The following ANXA10 variants were observed in gnomAD, a reference collection of about 807,000 sequenced individuals.
ANXA10 encodes annexin A10.
A neutral mutation model predicts 53.5 loss-of-function variants in ANXA10; 49 were observed. The observed-to-expected ratio is 0.92, with a 90% CI of 0.73 to 1.16. ANXA10 has a LOEUF of 1.16. Ranked by LOEUF, ANXA10 falls within the 50% of genes most tolerant of loss-of-function variation. The pLI, the probability that ANXA10 is intolerant of heterozygous loss-of-function variation, is 0.00. For missense variants in ANXA10, 393 were observed against 394.4 expected (o/e 1.00, Z 0.03); for synonymous variants, 131 against 128.9 (o/e 1.02, Z -0.11).
chr4:168,185,253 A>G (rs1460839773), intron 11 of ANXA10, among the ~76,000 whole-genome samples: 1 of 152,224 alleles, frequency 6.6e-6, no homozygotes, highest in Non-Finnish European at 1.5e-5. Context: ...GCAGTCATGC[A>G]AAATATTCAT....
At position 168,139,588 on chromosome 4, in the gene ANXA10, C is replaced by T. The variant is rs186693327; in HGVS notation, c.195+8C>T. The T allele has an allele frequency of 1.2e-6, 2 of 1,603,240 alleles. No homozygotes were observed. Among genetic ancestry groups the T allele is most frequent in the Admixed American group, 3.3e-5 (2 of 59,852 alleles). The stretch of plus-strand genomic sequence containing the variant: ...CAGAGCATGTATGGCCGGGTAAGGC[C>T]ACTTTATCTTGACCTATTTCTAGGG... On this transcript the variant is annotated splice_region_variant and intron_variant, in intron 3 of 11. Transcript: ENST00000359299.
At chr4:168,164,794 T>C (rs1731845789) in intron 5 of ANXA10, among the ~76,000 whole-genome samples, 1 of 152,196 alleles carries the variant, frequency 6.6e-6, no homozygotes. Context: ...TATTGCGTTA[T>C]GTAGTATATG....
At chr4:168,119,598 A>G (rs1054969539) in intron 1 of ANXA10, among the ~76,000 whole-genome samples, 2 of 152,184 alleles carry the variant, frequency 1.3e-5, no homozygotes, top group African/African-American at 4.8e-5. Context: ...TGTTTCAAAA[A>G]GTTTAGAACC....
At position 168,177,812 on chromosome 4, in the gene ANXA10, C is replaced by A; in HGVS notation, c.534+19C>A. Reference sequence around the variant, plus strand: ...TGCAATGGTAACTAGAACCAGTTCTCAGACTGACTGCAAAGAACCTGGGTT... The same window carrying A: ...TGCAATGGTAACTAGAACCAGTTCTAAGACTGACTGCAAAGAACCTGGGTT... On this transcript the variant is annotated intron_variant, in intron 7 of 11. Coordinates refer to ENST00000359299, the MANE Select transcript of ANXA10 (RefSeq NM_007193.5). The A allele has an allele frequency of 6.2e-7, 1 of 1,614,124 alleles. No individual in the cohort carries two copies. The highest frequency in any genetic ancestry group is 8.5e-7 in the Non-Finnish European group (1 of 1,179,984).
chr4:168,117,335 G>C (rs1015107422), intron 1 of ANXA10, among the ~76,000 whole-genome samples: 1 of 152,174 alleles, frequency 6.6e-6, no homozygotes, highest in African/African-American at 2.4e-5. Context: ...ACTGGAAAAA[G>C]TGTGTGTTCT....
intron 1 of ANXA10, among the ~76,000 whole-genome samples, chr4:168,104,472 T>G (rs1158168581): frequency 6.6e-6 from 1 of 152,004 alleles, no homozygotes; most frequent in Non-Finnish European, 1.5e-5. Context: ...TTGATATTAT[T>G]TCTTCCTTAA....
At chr4:168,182,579 C>T (rs1194340174) in intron 10 of ANXA10, among the ~76,000 whole-genome samples, 2 of 149,298 alleles carry the variant, frequency 1.3e-5, no homozygotes, top group Admixed American at 6.6e-5. Flanking sequence ...GTGATCCGCC[C>T]GCCTCGGCCT....
chr4:168,148,663 A>G (rs993896679), intron 3 of ANXA10, among the ~76,000 whole-genome samples: 1 of 152,136 alleles, frequency 6.6e-6, no homozygotes, highest in Non-Finnish European at 1.5e-5. Flanking sequence ...AGTCATTATT[A>G]TGCCATTGTA....
At chr4:168,169,583 C>T (rs1731944648) in intron 6 of ANXA10, among the ~76,000 whole-genome samples, 1 of 152,142 alleles carries the variant, frequency 6.6e-6, no homozygotes, top group African/African-American at 2.4e-5. Flanking sequence ...GTCATCTTCC[C>T]AGGAAACCCA....
intron 3 of ANXA10, among the ~76,000 whole-genome samples, chr4:168,141,613 T>C (rs1445765840): frequency 3.3e-5 from 5 of 152,160 alleles, no homozygotes; most frequent in Non-Finnish European, 7.3e-5. Context: ...GGGAGTAAGA[T>C]AATGGCCAAG....
chr4:168,126,590 G>A (rs1009647943), intron 1 of ANXA10, among the ~76,000 whole-genome samples: 2 of 152,078 alleles, frequency 1.3e-5, no homozygotes, highest in African/African-American at 4.8e-5. Context: ...GTGGTTGGGG[G>A]AAATTTACAC....
At chr4:168,147,467 G>C (rs1731424251) in intron 3 of ANXA10, among the ~76,000 whole-genome samples, 2 of 152,192 alleles carry the variant, frequency 1.3e-5, no homozygotes, top group Admixed American at 1.3e-4. Context: ...ACTTATGCCT[G>C]AAAGTGATCA....
intron 1 of ANXA10, among the ~76,000 whole-genome samples, chr4:168,104,262 A>G (rs1730684385): frequency 6.6e-6 from 1 of 151,972 alleles, no homozygotes; most frequent in Admixed American, 6.6e-5. Flanking sequence ...AAGTTGTACT[A>G]CATCCTCCTT....
chr4:168,170,545 T>C (rs1169183022), intron 6 of ANXA10, among the ~76,000 whole-genome samples: 1 of 152,166 alleles, frequency 6.6e-6, no homozygotes, highest in Non-Finnish European at 1.5e-5. Context: ...CAAGACTCTT[T>C]TCCGTTTGTG....
Position 168,148,669 on chromosome 4 carries a change from T to C in ANXA10, c.195+9089T>C, listed in dbSNP as rs193092905. On this transcript the variant is annotated intron_variant, in intron 3 of 11. Coordinates refer to ENST00000359299, the MANE Select transcript of ANXA10 (RefSeq NM_007193.5). ...CCTCAAATTAGTCATTATTATGCCA[T>C]TGTATAAGTTAGTGTTTCTTTAGTT... Among the ~76,000 whole-genome samples, 40 of 152,322 alleles carry C rather than the reference T, an allele frequency of 2.6e-4. No individual in the cohort carries two copies. The East Asian group carries it at 7.1e-3, about 27-fold the overall frequency.
Position 168,183,183 on chromosome 4 carries a change from A to T in ANXA10, c.784-1376A>T, listed in dbSNP as rs564570543. On this transcript the variant is annotated intron_variant, in intron 10 of 11. Transcript: ENST00000359299. The stretch of plus-strand genomic sequence containing the variant: ...GGTAAATTTAACAGATATACTTCTT[A>T]AAAGTAGCCAGCATGCTGGGAAAAT... Among the ~76,000 whole-genome samples the T allele has an allele frequency of 1.1e-4, 16 of 152,328 alleles. No homozygotes were observed. In the South Asian group the frequency reaches 3.3e-3, roughly 32 times the overall value.
intron 6 of ANXA10, among the ~76,000 whole-genome samples, chr4:168,176,849 A>G (rs1732139053): frequency 6.6e-6 from 1 of 151,988 alleles, no homozygotes; most frequent in Non-Finnish European, 1.5e-5. Context: ...AAAAAAAAAA[A>G]ATTAGCCACG....
At chr4:168,136,157 C>T (rs189758450) in intron 2 of ANXA10, among the ~76,000 whole-genome samples, 2,022 of 152,256 alleles carry the variant, frequency 0.013, 27 homozygotes, top group Non-Finnish European at 0.019. Flanking sequence ...TCCCACCAGG[C>T]CCCTCCTCCA....
At chr4:168,125,528 G>A (rs17515095) in intron 1 of ANXA10, among the ~76,000 whole-genome samples, 5,478 of 152,162 alleles carry the variant, frequency 0.036, 122 homozygotes, top group Middle Eastern at 0.051. Flanking sequence ...GGAAGCCTAG[G>A]GATGTTGGAT....
Sources: allele counts gnomAD v4.1 joint callset (sites outside exome capture counted in the v4.1 genomes callset), GRCh38; gene constraint gnomAD v4.1.1; transcripts MANE v1.5; gene names NCBI Gene and HGNC (gene_info 2026-07-23, HGNC 2026-07-21).